NOBOX: variants seen among roughly 807,000 people sequenced by gnomAD.
The protein encoded by NOBOX is homeobox protein NOBOX.
Under a neutral mutation model 60.2 loss-of-function variants are expected in NOBOX, and 46 were observed. The ratio of observed to expected loss-of-function variants is 0.76; its 90% CI spans 0.60 to 0.98. The LOEUF (loss-of-function observed/expected upper bound fraction) is 0.98. NOBOX is among the 50% of genes least tolerant of loss of function. The pLI, the probability that NOBOX is intolerant of heterozygous loss-of-function variation, is 0.00. For missense variants in NOBOX, 880 were observed against 865.5 expected (o/e 1.02, Z -0.21); for synonymous variants, 360 against 346.3 (o/e 1.04, Z -0.44).
chr7:144,399,477 G>A lies in NOBOX; in HGVS notation c.1160C>T (p.Ala387Val), dbSNP rs773386756. 2 of 1,575,724 alleles carry A rather than the reference G, an allele frequency of 1.3e-6. No individual in the cohort carries two copies. Among genetic ancestry groups the A allele is most frequent in the Non-Finnish European group, 1.7e-6 (2 of 1,159,968 alleles). Reference sequence around the variant, plus strand: ...GGGCACAGCAGGTAGGATCTCAGCTGCAGAGCTGGAGGCAGGAAGAATGAA... The same window carrying A: ...GGGCACAGCAGGTAGGATCTCAGCTACAGAGCTGGAGGCAGGAAGAATGAA... Residue 387 changes from alanine (A) to valine (V), a missense_variant, in exon 7 of 10, where the codon GCA becomes GTA. Transcript: ENST00000467773.
chr7:144,403,510 T>TCCCCCCCCCCCCCCCCCCCCC, intron 2 of NOBOX, 147 bp downstream of exon 1: 4 of 349,464 alleles, frequency 1.1e-5, no homozygotes, highest in South Asian at 2.5e-5. Context: ...GTCGGCCTCC[T>TCCCCCCCCCCCCCCCCCCCCC]CCCACCCTAC....
At chr7:144,403,313 T>C (rs1158783287) in intron 2 of NOBOX, among the ~76,000 whole-genome samples, 1 of 152,066 alleles carries the variant, frequency 6.6e-6, no homozygotes, top group Non-Finnish European at 1.5e-5. Flanking sequence ...CTGTGGGTGC[T>C]CCGTAAGCAC....
chr7:144,398,102 A>G (rs2053906417), intron 9 of NOBOX, among the ~76,000 whole-genome samples, 180 bp downstream of exon 7: 1 of 152,160 alleles, frequency 6.6e-6, no homozygotes, highest in South Asian at 2.1e-4. Flanking sequence ...GCTAACTCTC[A>G]CTGTGCTCTG....
At chr7:144,404,167 G>T (rs1041419259) in intron 2 of NOBOX, among the ~76,000 whole-genome samples, 1 of 152,208 alleles carries the variant, frequency 6.6e-6, no homozygotes, top group Admixed American at 6.5e-5. Flanking sequence ...TCCTCAAAGG[G>T]GAAGCGCTGG....
chr7:144,397,724 C>A (rs773918478), intron 9 of NOBOX, among the ~76,000 whole-genome samples, 183 bp from the exon 8 acceptor site: 4 of 152,192 alleles, frequency 2.6e-5, no homozygotes, highest in Admixed American at 1.3e-4. Context: ...GGCTCCAGCA[C>A]TCAAGGTCCT....
At chr7:144,407,712 G>T (rs1229389436) in intron 1 of NOBOX, among the ~76,000 whole-genome samples, 2 of 152,232 alleles carry the variant, frequency 1.3e-5, no homozygotes. Flanking sequence ...GATGGTTTCA[G>T]GTTGCCTGTG....
rs546370498 is a variant in NOBOX, at chr7:144,398,378, T to C, written c.1678A>G (p.Met560Val). The C allele has an allele frequency of 1.3e-6, 2 of 1,537,070 alleles. No individual in the cohort carries two copies. The highest frequency in any genetic ancestry group is 3.9e-5 in the Admixed American group (2 of 50,988). ...CCCCCGCTGGGGCCACAGGGAAACATAAAGAGAGAGTCTTCGGGCGGTGGA... is the reference window on the plus strand; with the variant it reads ...CCCCCGCTGGGGCCACAGGGAAACACAAAGAGAGAGTCTTCGGGCGGTGGA... The change falls in exon 9 of 10, where the codon ATG becomes GTG. Residue 560 changes from methionine to valine, a missense_variant. Coordinates refer to ENST00000467773, the MANE Select transcript of NOBOX (RefSeq NM_001080413.3).
In NOBOX at chr7:144,398,358, G is replaced by A. The variant is rs374879171; in HGVS notation, c.1698C>T (p.Ser566=). The A allele has an allele frequency of 1.4e-4, 216 of 1,537,144 alleles. No homozygotes were observed. The highest frequency in any genetic ancestry group is 1.1e-3 in the East Asian group (43 of 40,912). ...GGCAATAGCCCTGCGATGTGCCCCC[G>A]CTGGGGCCACAGGGAAACATAAAGA... The change falls in exon 9 of 10, where the codon AGC becomes AGT. Residue 566 remains serine (S), a synonymous_variant. Transcript: ENST00000467773.
At chr7:144,403,509 C>T in intron 2 of NOBOX, 148 bp downstream of exon 1, 1 of 410,190 alleles carries the variant, frequency 2.4e-6, no homozygotes, top group Non-Finnish European at 4.5e-6. Context: ...GGTCGGCCTC[C>T]TCCCACCCTA....
At position 144,404,608 on chromosome 7, in the gene NOBOX, C is replaced by G; in HGVS notation, c.158G>C (p.Ser53Thr). The G allele has an allele frequency of 6.2e-7, 1 of 1,613,966 alleles. No homozygotes were observed. Among genetic ancestry groups the G allele is most frequent in the Non-Finnish European group, 8.5e-7 (1 of 1,179,878 alleles). Reference sequence around the variant, plus strand: ...GCTGCACCGGATGATGAAGAAGGAGCTGAAAGAGCCACAGACTCCGTAGAT... The same window carrying G: ...GCTGCACCGGATGATGAAGAAGGAGGTGAAAGAGCCACAGACTCCGTAGAT... Residue 53 changes from serine (S) to threonine (T), a missense_variant, in exon 2 of 10, where the codon AGC becomes ACC. Transcript: ENST00000467773.
chr7:144,404,624 C>G lies in NOBOX; in HGVS notation c.142G>C (p.Val48Leu). Residue 48 changes from valine (V) to leucine (L), a missense_variant, in exon 2 of 10, where the codon GTC becomes CTC. Physicochemically the swap from Val to Leu is conservative, Grantham distance 32. Coordinates refer to ENST00000467773, the MANE Select transcript of NOBOX (RefSeq NM_001080413.3). ...AAGAAGGAGCTGAAAGAGCCACAGA[C>G]TCCGTAGATCCGGTACAGTCCACAC... 6.2e-7 allele frequency: 1 copy of G among 1,614,006 alleles called. No homozygotes were observed. The highest frequency in any genetic ancestry group is 1.1e-5 in the South Asian group (1 of 91,080).
At chr7:144,406,562 A>AAC (rs1416421574) in intron 1 of NOBOX, among the ~76,000 whole-genome samples, 1 of 21,590 alleles carries the variant, frequency 4.6e-5, no homozygotes, top group Non-Finnish European at 1.1e-4. Flanking sequence ...CGTCTCAAAA[A>AAC]AGAAAAAAAA....
rs1369492614 is a variant in NOBOX, at chr7:144,399,136, G to A, written c.1283C>T (p.Thr428Ile). ...CCTCTGAGCACCCTCACTGGGTTGG[G>A]TGGGGGCCAAAGTCTGGTCAGAAGT... Residue 428 changes from threonine (T) to isoleucine (I), a missense_variant, in exon 8 of 10, where the codon ACC becomes ATC. By Grantham distance (89) the Thr-to-Ile change is moderately conservative. Transcript: ENST00000467773. The A allele has an allele frequency of 6.3e-7, 1 of 1,576,464 alleles. No individual in the cohort carries two copies. Among genetic ancestry groups the A allele is most frequent in the African/African-American group, 1.3e-5 (1 of 74,432 alleles).
At chr7:144,398,913 A>G in intron 8 of NOBOX, 37 bp downstream of exon 6, 1 of 1,179,706 alleles carries the variant, frequency 8.5e-7, no homozygotes, top group Non-Finnish European at 1.2e-6. Flanking sequence ...ACCCCCACCC[A>G]GATAACTAGA....
intron 1 of NOBOX, among the ~76,000 whole-genome samples, chr7:144,407,893 G>A (rs2053996816): frequency 6.6e-6 from 1 of 152,178 alleles, no homozygotes; most frequent in African/African-American, 2.4e-5. Flanking sequence ...TGCTGCCATT[G>A]TTTACAATTA....
rs2053926470 is a variant in NOBOX at position 144,400,129 on chromosome 7, T to C, written c.1028A>G (p.Glu343Gly). Residue 343 changes from glutamate to glycine, a missense_variant, in exon 5 of 10, where the codon GAG becomes GGG. Transcript: ENST00000467773. Reference sequence around the variant, plus strand: ...TCCTACCCAGGCTACCGCTGAGCGCTCACTCTGCAATTCGAGTGTTTCAAT... The same window carrying C: ...TCCTACCCAGGCTACCGCTGAGCGCCCACTCTGCAATTCGAGTGTTTCAAT... 1 of 1,613,222 alleles carries C rather than the reference T, an allele frequency of 6.2e-7. No homozygotes were observed. Among genetic ancestry groups the C allele is most frequent in the Non-Finnish European group, 8.5e-7 (1 of 1,179,844 alleles).
At chr7:144,406,498 G>A (rs1208172) in intron 1 of NOBOX, among the ~76,000 whole-genome samples, 19,114 of 151,198 alleles carry the variant, frequency 0.13, 1,527 homozygotes, top group South Asian at 0.23. Context: ...GTGGAGGTTG[G>A]AATAAGCCAA....
At chr7:144,405,970 G>T (rs765962909) in intron 1 of NOBOX, among the ~76,000 whole-genome samples, 1 of 152,150 alleles carries the variant, frequency 6.6e-6, no homozygotes, top group Non-Finnish European at 1.5e-5. Context: ...GGGCCTGTGT[G>T]GGGAAAGGAA....
Position 144,401,486 on chromosome 7 carries a change from C to A in NOBOX, c.404G>T (p.Cys135Phe). ...CGGCTTCTTCTCTCCTGAGATGGTG[C>A]AGGAGGGTGGCAGTTCCTCACTCTG... Residue 135 changes from cysteine (C) to phenylalanine (F), a missense_variant, in exon 4 of 10, where the codon TGC becomes TTC. Physicochemically the swap from Cys to Phe is radical, Grantham distance 205. Transcript: ENST00000467773. This position sits in a 1 kb window ranked among gnomAD's most constrained non-coding sequence, Gnocchi z 4.2. 2 of 1,545,686 alleles carry A rather than the reference C, an allele frequency of 1.3e-6. No homozygotes were observed. Among genetic ancestry groups the A allele is most frequent in the Non-Finnish European group, 1.7e-6 (2 of 1,149,618 alleles).
Sources: allele counts gnomAD v4.1 joint callset (sites outside exome capture counted in the v4.1 genomes callset), GRCh38; gene constraint gnomAD v4.1.1; non-coding constraint Gnocchi (gnomAD v3.1); transcripts MANE v1.5; gene names NCBI Gene and HGNC (gene_info 2026-07-23, HGNC 2026-07-21).